The following FMNL2 variants were observed in gnomAD, a reference collection of about 807,000 sequenced individuals.
FMNL2 encodes the protein formin-like protein 2.
A neutral mutation model predicts 130.2 loss-of-function variants in FMNL2; 51 were observed. The observed-to-expected ratio is 0.39, with a 90% confidence interval of 0.31 to 0.49. The LOEUF is 0.49. Among genes scored for constraint, FMNL2 ranks in the 20% least tolerant of loss-of-function variants. FMNL2 has a pLI of 0.85. For synonymous variants in FMNL2, 465 were observed against 467.1 expected (o/e 1.00, Z 0.06); for missense variants, 977 against 1,316.2 (o/e 0.74, Z 3.99).
chr2:152,610,998 T>G (rs1698646772), intron 10 of FMNL2, among the ~76,000 whole-genome samples: 1 of 152,196 alleles, frequency 6.6e-6, no homozygotes, highest in Admixed American at 6.5e-5. Flanking sequence ...CGAAGTGGTG[T>G]CTTATTGTGG....
chr2:152,401,898 CTTTTTT>C (rs70974858), intron 1 of FMNL2, among the ~76,000 whole-genome samples: 2 of 78,556 alleles, frequency 2.5e-5, no homozygotes, highest in African/African-American at 5.3e-5. Context: ...TGTGTTTAAT[CTTTTTT>C]TTTTTTTTTT....
intron 1 of FMNL2, among the ~76,000 whole-genome samples, chr2:152,479,264 C>T (rs1690344957): frequency 2.0e-5 from 3 of 152,080 alleles, no homozygotes; most frequent in African/African-American, 2.4e-5. Context: ...GCCTCAGCTT[C>T]CTGAGTAACT....
At chr2:152,341,752 G>A (rs1228527715) in intron 1 of FMNL2, among the ~76,000 whole-genome samples, 1 of 152,258 alleles carries the variant, frequency 6.6e-6, no homozygotes, top group African/African-American at 2.4e-5. Context: ...AGGTGGAAAT[G>A]TGTGTAGGGG....
At chr2:152,443,619 G>A (rs1688178259) in intron 1 of FMNL2, among the ~76,000 whole-genome samples, 1 of 152,048 alleles carries the variant, frequency 6.6e-6, no homozygotes, top group South Asian at 2.1e-4. Flanking sequence ...GAGGTGGGCG[G>A]ATCACTTGAG....
At chr2:152,493,710 C>T (rs986297858) in intron 1 of FMNL2, among the ~76,000 whole-genome samples, 3 of 152,218 alleles carry the variant, frequency 2.0e-5, no homozygotes, top group African/African-American at 7.2e-5. Flanking sequence ...TCTTCCCCTT[C>T]TGCCATAAGT....
chr2:152,414,010 T>A (rs1046285722), intron 1 of FMNL2, among the ~76,000 whole-genome samples: 6 of 152,212 alleles, frequency 3.9e-5, no homozygotes, highest in African/African-American at 1.2e-4. Flanking sequence ...TTATTTGGAG[T>A]AATGCATCTG....
intron 13 of FMNL2, among the ~76,000 whole-genome samples, chr2:152,618,140 C>G (rs936835111): frequency 3.9e-5 from 6 of 151,982 alleles, no homozygotes; most frequent in East Asian, 1.9e-4. Flanking sequence ...CTCTATGGGC[C>G]CCCCCCTTAT....
intron 15 of FMNL2, among the ~76,000 whole-genome samples, chr2:152,623,061 AAGG>A (rs1246239140): frequency 2.0e-5 from 3 of 152,228 alleles, no homozygotes; most frequent in East Asian, 1.9e-4. Flanking sequence ...AAACCTTTCC[AAGG>A]AGGAGAACTT....
intron 9 of FMNL2, among the ~76,000 whole-genome samples, chr2:152,582,325 A>AGCCTCTG (rs1696837271): frequency 1.3e-5 from 2 of 152,266 alleles, no homozygotes; most frequent in African/African-American, 4.8e-5. Flanking sequence ...AATGTTCTAG[A>AGCCTCTG]CACCAGCCTG....
chr2:152,423,780 T>A (rs1169033099), intron 1 of FMNL2, among the ~76,000 whole-genome samples: 1 of 151,328 alleles, frequency 6.6e-6, no homozygotes, highest in Non-Finnish European at 1.5e-5. Flanking sequence ...CCTGAGGGAG[T>A]TGGGGGTTGG....
At chr2:152,361,230 A>C (rs895543554) in intron 1 of FMNL2, among the ~76,000 whole-genome samples, 13 of 152,144 alleles carry the variant, frequency 8.5e-5, no homozygotes, top group African/African-American at 2.7e-4. Context: ...TGTTGTGAGA[A>C]CTTGGATAAT....
At chr2:152,360,305 CTTTT>C (rs1683087323) in intron 1 of FMNL2, among the ~76,000 whole-genome samples, 2 of 152,062 alleles carry the variant, frequency 1.3e-5, no homozygotes, top group Non-Finnish European at 2.9e-5. Context: ...TTTTTCCTCT[CTTTT>C]TCTTTCTTCT....
intron 1 of FMNL2, among the ~76,000 whole-genome samples, chr2:152,380,150 C>A (rs561096665): frequency 5.9e-5 from 9 of 152,288 alleles, no homozygotes; most frequent in African/African-American, 2.2e-4. Context: ...GGGCTTTGAG[C>A]AGCCAAGAAT....
chr2:152,616,574 C>T (rs1402185750), intron 12 of FMNL2, among the ~76,000 whole-genome samples: 1 of 151,998 alleles, frequency 6.6e-6, no homozygotes, highest in African/African-American at 2.4e-5. Context: ...TCAGGTGATC[C>T]GCCCACCTTG....
At chr2:152,421,662 T>C (rs1016100261) in intron 1 of FMNL2, among the ~76,000 whole-genome samples, 1 of 152,292 alleles carries the variant, frequency 6.6e-6, no homozygotes. Flanking sequence ...TGTGAGATGA[T>C]TCAATTCTGT....
intron 2 of FMNL2, among the ~76,000 whole-genome samples, chr2:152,539,898 A>G (rs2577179): frequency 0.69 from 105,485 of 151,926 alleles, 36,823 homozygotes; most frequent in East Asian, 0.94. Context: ...CCAGGAGTTC[A>G]ATACCAGCCT....
intron 1 of FMNL2, among the ~76,000 whole-genome samples, chr2:152,477,594 C>T (rs935931904): frequency 4.6e-5 from 7 of 152,046 alleles, no homozygotes; most frequent in African/African-American, 9.7e-5. Context: ...GCAGGCTGTC[C>T]GTTGATTTGT....
At chr2:152,395,786 A>G (rs1685358592) in intron 1 of FMNL2, among the ~76,000 whole-genome samples, 1 of 151,534 alleles carries the variant, frequency 6.6e-6, no homozygotes, top group Non-Finnish European at 1.5e-5. Context: ...TGTTCTTTGG[A>G]TAATTGGCCC....
At chr2:152,609,840 C>T (rs12995460) in intron 10 of FMNL2, among the ~76,000 whole-genome samples, 2,057 of 152,314 alleles carry the variant, frequency 0.014, 25 homozygotes, top group Non-Finnish European at 0.022. Context: ...TGTGACTCTG[C>T]ATCCCTCAAT....
Sources: allele counts gnomAD v4.1 joint callset (sites outside exome capture counted in the v4.1 genomes callset), GRCh38; gene constraint gnomAD v4.1.1; transcripts MANE v1.5; gene names NCBI Gene and HGNC (gene_info 2026-07-23, HGNC 2026-07-21).